The following AP5Z1 variants were observed in gnomAD, a reference collection of about 807,000 sequenced individuals.
The protein encoded by AP5Z1 is adaptor related protein complex 5 subunit zeta 1, also known as AP-5 complex subunit zeta-1.
In AP5Z1, 106 loss-of-function variants were observed where a neutral mutation model predicts 83.0. The ratio of observed to expected loss-of-function variants is 1.28; its 90% CI spans 1.09 to 1.50. The LOEUF is 1.50. Ranked by LOEUF, AP5Z1 falls within the 40% of genes most tolerant of loss-of-function variation. The probability of loss-of-function intolerance (pLI) is 0.00; values close to 1 mark genes in which losing one functional copy is unlikely to be tolerated. For missense variants in AP5Z1, 1,565 were observed against 1,094.2 expected, an observed-to-expected ratio of 1.43 and a Z score of -6.07; for synonymous variants, 751 against 514.1, an observed-to-expected ratio of 1.46 and a Z score of -6.23.
In AP5Z1 at chr7:4,788,299, G is replaced by C. The variant is rs746540526; in HGVS notation, c.1595+5G>C. 3 of 1,580,626 alleles carry C rather than the reference G, an allele frequency of 1.9e-6. No individual in the cohort carries two copies. The highest frequency in any genetic ancestry group is 1.4e-5 in the African/African-American group (1 of 74,030). The stretch of plus-strand genomic sequence containing the variant: ...GGCCAGTGGCGCCACTGAGAGGTAC[G>C]GGGCCCTAGGGCCAGGGGGCCACCA... On this transcript the variant is annotated splice_donor_5th_base_variant and intron_variant, in intron 12 of 16. Transcript: ENST00000649063.
intron 13 of AP5Z1, 23 bp from the exon 14 acceptor site, chr7:4,789,809 T>C (rs1204166622): frequency 1.9e-6 from 3 of 1,545,890 alleles, no homozygotes; most frequent in Non-Finnish European, 2.6e-6. Context: ...GGGCTGAGCC[T>C]GTTTCCCACT....
rs750124692 is a variant in AP5Z1 at position 4,788,158 on chromosome 7, G to C, written c.1459G>C (p.Ala487Pro). 2.6e-6 allele frequency: 4 copies of C among 1,550,882 alleles called. No individual in the cohort carries two copies. The South Asian group carries it at 4.8e-5, about 18-fold the overall frequency. ...CTTGGGCGTCTGTCCACGCAGGTCA[G>C]CACCGGCTGCATCCGAGAGGCCACT... ...TAVLDLQLRS[A>P]PAASERPLWD... The change falls in exon 12 of 17, where the codon GCA (alanine) becomes CCA (proline). Residue 487 changes from alanine to proline, a missense_variant. Ala to Pro is a conservative substitution (Grantham distance 27). Coordinates refer to ENST00000649063, the MANE Select transcript of AP5Z1 (RefSeq NM_014855.3).
rs371028007 is a variant in AP5Z1, at chr7:4,787,616, G to C, written c.1312-18G>C. On this transcript the variant is annotated intron_variant, in intron 10 of 16. Transcript: ENST00000649063. ...CACAGCTCCGAGCCGTGTCCGAACCGCTGTGCTGTGCCCACAGTTCCTGGC... is the reference window on the plus strand; with the variant it reads ...CACAGCTCCGAGCCGTGTCCGAACCCCTGTGCTGTGCCCACAGTTCCTGGC... 1 of 1,547,502 alleles carries C rather than the reference G, an allele frequency of 6.5e-7. No individual in the cohort carries two copies. Among genetic ancestry groups the C allele is most frequent in the African/African-American group, 1.4e-5 (1 of 73,156 alleles).
intron 14 of AP5Z1, 154 bp from the exon 15 acceptor site, chr7:4,790,303 TTC>T: frequency 6.5e-7 from 1 of 1,545,970 alleles, no homozygotes; most frequent in Non-Finnish European, 8.7e-7. Flanking sequence ...TGAGAACAGT[TTC>T]TCTGAGGCTG....
At position 4,791,946 on chromosome 7, in the gene AP5Z1, C is replaced by T. The variant is rs538631490; in HGVS notation, c.*561C>T. On this transcript the variant is annotated 3_prime_UTR_variant, in exon 17 of 17. Coordinates refer to ENST00000649063, the MANE Select transcript of AP5Z1 (RefSeq NM_014855.3). ...CGGCGCGAGTTCCCGGGTGTGGTCA[C>T]CGCTCTGGGTGGTGCGCTTGTCAAT... 125 of 153,952 alleles carry T rather than the reference C, an allele frequency of 8.1e-4. No homozygotes were observed. Among genetic ancestry groups the T allele is most frequent in the Non-Finnish European group, 1.4e-3 (95 of 69,140 alleles). The allele number at this position is 153,952 out of a possible 1,614,324, so 9.5% of individuals were successfully genotyped here. A position where few individuals can be genotyped will look rare whatever the true frequency, so the allele number is the denominator to read the frequency against.
At chr7:4,790,137 C>A (rs1270715588) in intron 14 of AP5Z1, 3 of 1,457,118 alleles carry the variant, frequency 2.1e-6, no homozygotes, top group East Asian at 2.5e-5. Flanking sequence ...GTCCTTCTTT[C>A]TGCCGAGCCT....
At chr7:4,783,532 G>C (rs1781443796) in intron 4 of AP5Z1, 72 bp downstream of exon 4, 2 of 1,579,726 alleles carry the variant, frequency 1.3e-6, no homozygotes, top group Non-Finnish European at 8.6e-7. Flanking sequence ...GCCCATGGTG[G>C]GTTGGGAGTG....
rs1300212860 is a variant in AP5Z1 at position 4,788,187 on chromosome 7, G to T, written c.1488G>T (p.Trp496Cys). The T allele has an allele frequency of 6.4e-7, 1 of 1,559,232 alleles. No individual in the cohort carries two copies. The highest frequency in any genetic ancestry group is 1.9e-5 in the Admixed American group (1 of 52,364). The change falls in exon 12 of 17, where the codon TGG becomes TGT. Residue 496 changes from tryptophan to cysteine, a missense_variant. By Grantham distance (215) the Trp-to-Cys change is radical. Transcript: ENST00000649063. ...SAPAASERPL[W>C]DTSLRAPSCL... ...CGGCTGCATCCGAGAGGCCACTCTG[G>T]GACACCTCTCTCAGGGCCCCCAGCT...
In AP5Z1 at chr7:4,790,495, G is replaced by A; in HGVS notation, c.1842G>A (p.Leu614=). The change falls in exon 15 of 17, where the codon CTG becomes CTA. Residue 614 remains leucine (L), a synonymous_variant. Coordinates refer to ENST00000649063, the MANE Select transcript of AP5Z1 (RefSeq NM_014855.3). ...CTCAGTTCCTGGCCCTGTGTACGCT[G>A]AAACCCTCCCTGGTGGTGGAGCTGG... ...LSSQFLALCT[L]KPSLVVELAR... 1 of 1,613,198 alleles carries A rather than the reference G, an allele frequency of 6.2e-7. No individual in the cohort carries two copies. Among genetic ancestry groups the A allele is most frequent in the Non-Finnish European group, 8.5e-7 (1 of 1,179,868 alleles).
At chr7:4,783,268 T>C in intron 3 of AP5Z1, 48 bp from the exon 4 acceptor site, 2 of 1,520,320 alleles carry the variant, frequency 1.3e-6, no homozygotes, top group Non-Finnish European at 1.8e-6. Context: ...GGGGAGCTGG[T>C]CTCTGGCACA....
rs749332834 is a variant in AP5Z1 at position 4,781,338 on chromosome 7, G to C, written c.179+26G>C. On this transcript the variant is annotated intron_variant, in intron 2 of 16. Transcript: ENST00000649063. ...GTGAGTGTGGCGACGGCTCAGGCCG[G>C]CTCCTCACACAGCGGCCCCAGGAGA... 3.7e-6 allele frequency: 6 copies of C among 1,611,154 alleles called. No homozygotes were observed. The Admixed American group carries it at 6.7e-5, about 18-fold the overall frequency.
rs761046762 is a variant in AP5Z1, at chr7:4,781,552, G to A, written c.180-16G>A. On this transcript the variant is annotated splice_polypyrimidine_tract_variant and intron_variant, in intron 2 of 16. Coordinates refer to ENST00000649063, the MANE Select transcript of AP5Z1 (RefSeq NM_014855.3). ...CGTGACGTGTTACCGCCCACCACGG[G>A]CATCTCGCCTTCCAGGCTGGAGAAG... 2.5e-6 allele frequency: 4 copies of A among 1,600,696 alleles called. No individual in the cohort carries two copies. The Admixed American group carries it at 6.7e-5, about 27-fold the overall frequency.
chr7:4,789,106 C>A (rs1781658358), intron 13 of AP5Z1, 155 bp downstream of exon 13: 1 of 651,550 alleles, frequency 1.5e-6, no homozygotes, highest in Non-Finnish European at 2.6e-6. Context: ...AGGCACATGC[C>A]ACAGCCCCGG....
chr7:4,784,884 G>C (rs766745777), intron 6 of AP5Z1, 24 bp from the exon 7 acceptor site: 2 of 1,601,268 alleles, frequency 1.2e-6, no homozygotes, highest in Non-Finnish European at 1.7e-6. Flanking sequence ...ACGTCAGCCT[G>C]CTGAGAGTTC....
chr7:4,788,068 G>T, intron 11 of AP5Z1, 86 bp from the exon 12 acceptor site: 1 of 1,443,984 alleles, frequency 6.9e-7, no homozygotes, highest in South Asian at 1.5e-5. Context: ...TGATATTAGG[G>T]ACACCTGCCG....
At position 4,785,622 on chromosome 7, in the gene AP5Z1, TGCGCGGGGAC is replaced by T; in HGVS notation, c.1071_1080del (p.Gly359ProfsTer14). 1 of 1,577,912 alleles carries T rather than the reference TGCGCGGGGAC, an allele frequency of 6.3e-7. No homozygotes were observed. Among genetic ancestry groups the T allele is most frequent in the Non-Finnish European group, 8.6e-7 (1 of 1,165,270 alleles). On this transcript the variant is annotated frameshift_variant, in exon 9 of 17. Coordinates refer to ENST00000649063, the MANE Select transcript of AP5Z1 (RefSeq NM_014855.3). LOFTEE classifies it high-confidence loss of function. ...TGCCTGAAGGCCCTGCACGGGCGGG[TGCGCGGGGAC>T]CCGGCCTCTGTGCGGGTGCTGCTGC...
chr7:4,786,094 A>G (rs1781534568), intron 9 of AP5Z1, among the ~76,000 whole-genome samples, 156 bp from the exon 10 acceptor site: 1 of 152,162 alleles, frequency 6.6e-6, no homozygotes, highest in Admixed American at 6.5e-5. Context: ...TGGGCGAGGG[A>G]GACCAAGTGC....
rs981830238 is a variant in AP5Z1 at position 4,791,818 on chromosome 7, A to G, written c.*433A>G. 3.6e-5 allele frequency: 6 copies of G among 164,504 alleles called. No individual in the cohort carries two copies. The Admixed American group carries it at 3.7e-4, about 10-fold the overall frequency. The allele number at this position is 164,504 out of a possible 1,614,324, so 10.2% of individuals were successfully genotyped here. On this transcript the variant is annotated 3_prime_UTR_variant, in exon 17 of 17. Coordinates refer to ENST00000649063, the MANE Select transcript of AP5Z1 (RefSeq NM_014855.3). The stretch of plus-strand genomic sequence containing the variant: ...TGCCCTGCACCCTGGGGAGAGGACC[A>G]GGGATGGGAACCCCTGGCAGCTGCT...
intron 1 of AP5Z1, among the ~76,000 whole-genome samples, chr7:4,777,957 G>A (rs535152143): frequency 6.6e-6 from 1 of 152,252 alleles, no homozygotes; most frequent in Admixed American, 6.5e-5. Flanking sequence ...ACTGGCCCAC[G>A]CCTGTAATCC....
Sources: allele counts gnomAD v4.1 joint callset (sites outside exome capture counted in the v4.1 genomes callset), GRCh38; gene constraint gnomAD v4.1.1; transcripts MANE v1.5; gene names NCBI Gene and HGNC (gene_info 2026-07-23, HGNC 2026-07-21).